Variants in DNMBP observed in about 807,000 individuals in gnomAD.
The protein encoded by DNMBP is dynamin binding protein, also known as dynamin-binding protein.
A neutral mutation model predicts 150.0 loss-of-function variants in DNMBP; 87 were observed. The ratio of observed to expected loss-of-function variants is 0.58; its 90% CI spans 0.49 to 0.69. The LOEUF (loss-of-function observed/expected upper bound fraction) is 0.69, where lower values mean the gene tolerates loss of function less well. Ranked by LOEUF, DNMBP falls within the 30% of genes least tolerant of loss-of-function variation. The probability of loss-of-function intolerance (pLI) is 0.00; values close to 1 mark genes in which losing one functional copy is unlikely to be tolerated. For missense variants in DNMBP, 1,774 were observed against 1,949.0 expected (o/e 0.91, Z 1.69); for synonymous variants, 711 against 750.4 (o/e 0.95, Z 0.86).
intron 15 of DNMBP, among the ~76,000 whole-genome samples, chr10:99,882,773 A>T (rs1231098940): frequency 6.6e-6 from 1 of 152,190 alleles, no homozygotes; most frequent in African/African-American, 2.4e-5. Context: ...AAGCATTTAA[A>T]AAAAAATAAG....
At chr10:99,877,480 C>A in intron 16 of DNMBP, 144 bp from the exon 17 acceptor site, 2 of 553,966 alleles carry the variant, frequency 3.6e-6, no homozygotes, top group Non-Finnish European at 6.3e-6. Context: ...GACAGAGGAA[C>A]TGAATTTTTA....
At position 99,880,020 on chromosome 10, in the gene DNMBP, C is replaced by A. The variant is rs1564712251; in HGVS notation, c.4339G>T (p.Gly1447Trp). Residue 1447 changes from glycine (G) to tryptophan (W), a missense_variant, in exon 16 of 17, where the codon GGG (glycine) becomes TGG (tryptophan). Physicochemically the swap from Gly to Trp is radical, Grantham distance 184. This residue lies in a region of DNMBP where 1,430 missense variants were observed against 1,492.5 expected (regional missense o/e 0.96). Coordinates refer to ENST00000324109, the MANE Select transcript of DNMBP (RefSeq NM_015221.4). ...DPDSTSQPRSGDSADVARDVK... is the reference protein window; with the variant it reads ...DPDSTSQPRSWDSADVARDVK... ...TCTCTAGCTACATCTGCAGAGTCCCCTGACCTTGGCTGGGAGGTGGAGTCT... is the reference window on the plus strand; with the variant it reads ...TCTCTAGCTACATCTGCAGAGTCCCATGACCTTGGCTGGGAGGTGGAGTCT... 1.2e-6 allele frequency: 2 copies of A among 1,614,228 alleles called. No individual in the cohort carries two copies. Among genetic ancestry groups the A allele is most frequent in the Non-Finnish European group, 8.5e-7 (1 of 1,180,038 alleles).
At chr10:99,962,638 A>C (rs1460782804) in intron 3 of DNMBP, among the ~76,000 whole-genome samples, 1 of 152,068 alleles carries the variant, frequency 6.6e-6, no homozygotes, top group Non-Finnish European at 1.5e-5. Flanking sequence ...CTCAAAAAAA[A>C]AAACAAACAA....
chr10:99,893,453 A>G (rs1451231089), intron 11 of DNMBP, among the ~76,000 whole-genome samples: 2 of 152,252 alleles, frequency 1.3e-5, no homozygotes, highest in Non-Finnish European at 2.9e-5. Flanking sequence ...CAATGGACCA[A>G]GGCCAGGCGC....
rs1417141941 is a variant in DNMBP, at chr10:99,974,633, C to A, written c.-10-2499G>T. ...CTGCCTCAGCCTCCCAAGTACAAGT[C>A]TATTTTCAACCATCTCAAGTACTTA... On this transcript the variant is annotated intron_variant, in intron 1 of 16. Coordinates refer to ENST00000324109, the MANE Select transcript of DNMBP (RefSeq NM_015221.4). Among the ~76,000 whole-genome samples, 3 of 151,896 alleles carry A rather than the reference C, an allele frequency of 2.0e-5. No individual in the cohort carries two copies. The East Asian group carries it at 5.8e-4, about 29-fold the overall frequency.
intron 3 of DNMBP, among the ~76,000 whole-genome samples, chr10:99,964,432 A>G (rs1416945134): frequency 6.6e-6 from 1 of 150,598 alleles, no homozygotes; most frequent in African/African-American, 2.4e-5. Flanking sequence ...TCCTTGCACT[A>G]ATCTCTTATT....
intron 6 of DNMBP, among the ~76,000 whole-genome samples, chr10:99,904,979 C>T (rs1002584913): frequency 7.9e-5 from 12 of 152,030 alleles, no homozygotes; most frequent in East Asian, 5.8e-4. Context: ...GCCCCAGGAA[C>T]GACAACAGGT....
At chr10:99,921,742 A>G (rs1171109650) in intron 4 of DNMBP, among the ~76,000 whole-genome samples, 1 of 151,488 alleles carries the variant, frequency 6.6e-6, no homozygotes, top group African/African-American at 2.4e-5. Flanking sequence ...GTACATGCCT[A>G]TAGTCCCAGC....
At chr10:99,897,795 T>C (rs2039676734) in intron 9 of DNMBP, among the ~76,000 whole-genome samples, 1 of 151,976 alleles carries the variant, frequency 6.6e-6, no homozygotes, top group South Asian at 2.1e-4. Flanking sequence ...TGCCTGTAAT[T>C]CCAACTACTT....
At chr10:99,925,261 G>A (rs752666420) in intron 4 of DNMBP, among the ~76,000 whole-genome samples, 88 of 152,220 alleles carry the variant, frequency 5.8e-4, no homozygotes, top group Non-Finnish European at 9.8e-4. Context: ...CATTCTAGGT[G>A]TCAAGAGAGC....
chr10:99,933,897 C>T lies in DNMBP; in HGVS notation c.2260+21317G>A, dbSNP rs370850501. ...GACTACAGGCGCCCGCCACCATGCC[C>T]GGCTAAAGTTTTGTAATTTTAGTAG... On this transcript the variant is annotated intron_variant, in intron 4 of 16. Coordinates refer to ENST00000324109, the MANE Select transcript of DNMBP (RefSeq NM_015221.4). Among the ~76,000 whole-genome samples the T allele has an allele frequency of 9.0e-4, 137 of 152,234 alleles. 1 individual carries two copies. The South Asian group carries it at 0.015, about 17-fold the overall frequency.
intron 8 of DNMBP, 84 bp downstream of exon 8, chr10:99,898,659 G>A (rs1406069753): frequency 1.4e-5 from 21 of 1,451,786 alleles, no homozygotes; most frequent in Non-Finnish European, 1.3e-5. Context: ...GTCTATAAAG[G>A]AAGAAAATAC....
At chr10:99,934,028 G>A (rs1257720635) in intron 4 of DNMBP, among the ~76,000 whole-genome samples, 2 of 152,152 alleles carry the variant, frequency 1.3e-5, no homozygotes, top group Non-Finnish European at 2.9e-5. Context: ...GAGCCACTGC[G>A]CCCAGCCTTG....
chr10:99,918,062 C>T (rs886570746), intron 4 of DNMBP, among the ~76,000 whole-genome samples: 8 of 151,180 alleles, frequency 5.3e-5, no homozygotes, highest in East Asian at 3.9e-4. Flanking sequence ...TGCCTAGCAA[C>T]GCATCTAGAA....
chr10:99,907,041 T>C (rs2039834610), intron 6 of DNMBP, among the ~76,000 whole-genome samples: 1 of 152,200 alleles, frequency 6.6e-6, no homozygotes, highest in South Asian at 2.1e-4. Flanking sequence ...CCAGATGTGG[T>C]GGCTCACACC....
chr10:99,958,697 AT>A (rs1302441081), intron 3 of DNMBP, among the ~76,000 whole-genome samples: 3 of 152,236 alleles, frequency 2.0e-5, no homozygotes, highest in Non-Finnish European at 4.4e-5. Context: ...ATTTTTTCAC[AT>A]TGTATGTTGA....
chr10:99,903,539 G>C (rs1402474835), intron 6 of DNMBP, among the ~76,000 whole-genome samples: 3 of 151,720 alleles, frequency 2.0e-5, no homozygotes, highest in Non-Finnish European at 2.9e-5. Context: ...CACCTGGTTG[G>C]TCAGGCTGGT....
At chr10:99,917,230 G>A (rs776878806) in intron 4 of DNMBP, among the ~76,000 whole-genome samples, 3 of 152,156 alleles carry the variant, frequency 2.0e-5, no homozygotes, top group Admixed American at 6.5e-5. Flanking sequence ...GGTGGCACGC[G>A]CCTATAATCC....
chr10:99,952,956 T>C (rs2040440560), intron 4 of DNMBP, among the ~76,000 whole-genome samples: 1 of 152,156 alleles, frequency 6.6e-6, no homozygotes, highest in Non-Finnish European at 1.5e-5. Flanking sequence ...TTATTGACTT[T>C]CCTGATGACA....
Sources: allele counts gnomAD v4.1 joint callset (sites outside exome capture counted in the v4.1 genomes callset), GRCh38; gene constraint gnomAD v4.1.1; regional missense constraint gnomAD v4.1.1; transcripts MANE v1.5; gene names NCBI Gene and HGNC (gene_info 2026-07-23, HGNC 2026-07-21).